Variants in FAM13A observed in about 807,000 individuals in gnomAD.
FAM13A encodes family with sequence similarity 13 member A.
A neutral mutation model predicts 129.6 loss-of-function variants in FAM13A; 76 were observed. That is an observed-to-expected ratio of 0.59 (90% CI 0.49 to 0.71). The LOEUF (loss-of-function observed/expected upper bound fraction) is 0.71, where lower values mean the gene tolerates loss of function less well. FAM13A is among the 30% of genes least tolerant of loss of function. The pLI, the probability that FAM13A is intolerant of heterozygous loss-of-function variation, is 0.00. For missense variants in FAM13A, 1,108 were observed against 1,249.3 expected (o/e 0.89, Z 1.70); for synonymous variants, 443 against 449.9 (o/e 0.98, Z 0.20).
chr4:89,051,458 A>C (rs1771581101), intron 1 of FAM13A, among the ~76,000 whole-genome samples: 2 of 152,138 alleles, frequency 1.3e-5, no homozygotes. Context: ...AGGTACAAAC[A>C]TTTACTCTAT....
intron 6 of FAM13A, among the ~76,000 whole-genome samples, chr4:88,886,004 T>A (rs201375479): frequency 2.2e-4 from 32 of 147,218 alleles, no homozygotes; most frequent in East Asian, 5.9e-4. Context: ...AAGCAAAAAA[T>A]AAAAAAAAAA....
chr4:89,015,196 C>A (rs182989769), intron 3 of FAM13A, among the ~76,000 whole-genome samples: 1 of 152,118 alleles, frequency 6.6e-6, no homozygotes, highest in Non-Finnish European at 1.5e-5. Flanking sequence ...ATGTTACCAA[C>A]GACAATGTGT....
At chr4:88,985,387 T>C (rs1220191830) in intron 4 of FAM13A, among the ~76,000 whole-genome samples, 1 of 152,152 alleles carries the variant, frequency 6.6e-6, no homozygotes, top group Non-Finnish European at 1.5e-5. Context: ...GTGGTGATGG[T>C]TACAGAATTC....
chr4:89,039,955 TA>T (rs1027631391), intron 1 of FAM13A, among the ~76,000 whole-genome samples: 290 of 139,276 alleles, frequency 2.1e-3, no homozygotes, highest in Middle Eastern at 3.8e-3. Context: ...ACTGTCTCTT[TA>T]AAAAAAAAAA....
At chr4:89,026,012 A>C (rs1332769240) in intron 2 of FAM13A, among the ~76,000 whole-genome samples, 1 of 152,222 alleles carries the variant, frequency 6.6e-6, no homozygotes, top group Non-Finnish European at 1.5e-5. Flanking sequence ...TTTTTTACAC[A>C]ATAAAAGTAT....
chr4:88,822,361 C>T (rs770346230), intron 7 of FAM13A, among the ~76,000 whole-genome samples: 3 of 152,160 alleles, frequency 2.0e-5, no homozygotes, highest in Non-Finnish European at 2.9e-5. Flanking sequence ...CCCCCAGACC[C>T]ACAATCTATA....
At chr4:89,040,805 C>G (rs1012913959) in intron 1 of FAM13A, among the ~76,000 whole-genome samples, 1 of 152,044 alleles carries the variant, frequency 6.6e-6, no homozygotes, top group Non-Finnish European at 1.5e-5. Context: ...GGGGTGTTGC[C>G]AAAGGAGATT....
chr4:88,988,703 G>A (rs1762568842), intron 4 of FAM13A, among the ~76,000 whole-genome samples: 1 of 151,786 alleles, frequency 6.6e-6, no homozygotes, highest in Non-Finnish European at 1.5e-5. Flanking sequence ...ATGAAAATAG[G>A]AGTTAATGAA....
At chr4:89,022,205 A>T (rs1767361727) in intron 2 of FAM13A, among the ~76,000 whole-genome samples, 1 of 152,308 alleles carries the variant, frequency 6.6e-6, no homozygotes, top group Admixed American at 6.5e-5. Flanking sequence ...TTTAAAGCAA[A>T]AGAGGAAGCT....
intron 9 of FAM13A, 82 bp downstream of exon 9, chr4:88,790,504 C>CTTT: frequency 8.7e-7 from 1 of 1,151,694 alleles, no homozygotes; most frequent in Middle Eastern, 2.0e-4. Flanking sequence ...ATTAGAGTTG[C>CTTT]TTTTTTTTTC....
chr4:88,852,200 C>G (rs970744621), intron 6 of FAM13A, among the ~76,000 whole-genome samples: 16 of 151,424 alleles, frequency 1.1e-4, no homozygotes, highest in Admixed American at 1.1e-3. Context: ...GCTCTGTCAC[C>G]CAGGCTGCTG....
intron 7 of FAM13A, among the ~76,000 whole-genome samples, chr4:88,835,259 A>T (rs1734623473): frequency 6.6e-6 from 1 of 152,094 alleles, no homozygotes; most frequent in African/African-American, 2.4e-5. Flanking sequence ...TATCCTCCCT[A>T]GCTCATACCC....
At chr4:88,943,003 GT>G (rs1342672436) in intron 4 of FAM13A, among the ~76,000 whole-genome samples, 1 of 152,064 alleles carries the variant, frequency 6.6e-6, no homozygotes, top group East Asian at 1.9e-4. Flanking sequence ...TCCTTCTTAG[GT>G]TATTGATTAC....
chr4:88,782,485 A>G (rs1264229886), intron 10 of FAM13A, among the ~76,000 whole-genome samples: 1 of 152,154 alleles, frequency 6.6e-6, no homozygotes, highest in African/African-American at 2.4e-5. Context: ...TACATATCAT[A>G]TTTTACTATT....
intron 2 of FAM13A, among the ~76,000 whole-genome samples, chr4:89,022,466 A>C (rs894248560): frequency 6.6e-6 from 1 of 152,176 alleles, no homozygotes; most frequent in African/African-American, 2.4e-5. Context: ...CCAATTCTGA[A>C]AAAAATTGTG....
At chr4:88,771,892 T>C (rs1720750178) in intron 11 of FAM13A, among the ~76,000 whole-genome samples, 1 of 152,200 alleles carries the variant, frequency 6.6e-6, no homozygotes, top group Admixed American at 6.5e-5. Flanking sequence ...TCCTTAATTA[T>C]AAAGATAAAC....
At chr4:89,033,616 G>A (rs1768987556) in intron 1 of FAM13A, among the ~76,000 whole-genome samples, 1 of 152,140 alleles carries the variant, frequency 6.6e-6, no homozygotes. Flanking sequence ...ATGTTTCATG[G>A]TCTCTTTAAT....
At chr4:88,882,052 C>T (rs1743665208) in intron 6 of FAM13A, among the ~76,000 whole-genome samples, 1 of 152,040 alleles carries the variant, frequency 6.6e-6, no homozygotes. Flanking sequence ...CTTGGGAAAA[C>T]ATATTTGAGG....
At chr4:88,781,095 T>C in intron 11 of FAM13A, 70 bp downstream of exon 11, 1 of 1,143,210 alleles carries the variant, frequency 8.7e-7, no homozygotes, top group Non-Finnish European at 1.2e-6. Context: ...ACTTTTAATT[T>C]TTTTACAAAG....
Sources: allele counts gnomAD v4.1 joint callset (sites outside exome capture counted in the v4.1 genomes callset), GRCh38; gene constraint gnomAD v4.1.1; transcripts MANE v1.5; gene names NCBI Gene and HGNC (gene_info 2026-07-23, HGNC 2026-07-21).